Variants in PRKG1 observed in about 807,000 individuals in gnomAD.
The protein encoded by PRKG1 is protein kinase cGMP-dependent 1.
PRKG1 carries 35 observed loss-of-function variants against 88.1 expected under a neutral mutation model. The observed-to-expected ratio is 0.40, with a 90% CI of 0.30 to 0.53. PRKG1 has a LOEUF of 0.53. PRKG1 is among the 20% of genes least tolerant of loss of function. The pLI is 0.59. For missense variants in PRKG1, 540 were observed against 839.8 expected, an observed-to-expected ratio of 0.64 and a Z score of 4.41; for synonymous variants, 303 against 292.5, an observed-to-expected ratio of 1.04 and a Z score of -0.37.
chr10:51,187,445 A>G (rs1471887494), intron 2 of PRKG1, among the ~76,000 whole-genome samples: 1 of 152,030 alleles, frequency 6.6e-6, no homozygotes, highest in Non-Finnish European at 1.5e-5. Flanking sequence ...AAAATAGACT[A>G]GAGTTATTTA....
At chr10:51,910,394 A>G (rs1471390151) in intron 5 of PRKG1, 1 of 152,178 alleles carries the variant, frequency 6.6e-6, no homozygotes, top group East Asian at 1.9e-4. Flanking sequence ...ATTACATTTC[A>G]AAAGGATGGT....
chr10:52,141,086 A>G (rs1183794809), intron 8 of PRKG1, among the ~76,000 whole-genome samples: 2 of 152,134 alleles, frequency 1.3e-5, no homozygotes, highest in Non-Finnish European at 2.9e-5. Flanking sequence ...CCTTTTTAGA[A>G]TGGTGTCAGC....
chr10:51,899,671 G>GTATA (rs57320165), intron 4 of PRKG1, among the ~76,000 whole-genome samples: 3,841 of 120,244 alleles, frequency 0.032, 197 homozygotes, highest in African/African-American at 0.086. Flanking sequence ...AAAGAAAAAT[G>GTATA]TATATATATA....
chr10:51,286,339 C>T (rs914185102), intron 2 of PRKG1, among the ~76,000 whole-genome samples: 3 of 152,194 alleles, frequency 2.0e-5, no homozygotes, highest in African/African-American at 7.2e-5. Context: ...AAAGTGAGTA[C>T]AGCATGGACA....
intron 3 of PRKG1, among the ~76,000 whole-genome samples, chr10:51,506,295 A>G (rs1440588847): frequency 2.6e-4 from 40 of 152,156 alleles, no homozygotes; most frequent in Non-Finnish European, 2.9e-5. Context: ...AAAAGCCAAA[A>G]TTGACAAATG....
chr10:51,019,402 AT>A (rs2132732647), intron 1 of PRKG1, among the ~76,000 whole-genome samples: 1 of 152,294 alleles, frequency 6.6e-6, no homozygotes, highest in East Asian at 1.9e-4. Flanking sequence ...GGAAAGGACA[AT>A]CTTTTCAAAC....
At chr10:52,224,801 A>G (rs1840341141) in intron 9 of PRKG1, among the ~76,000 whole-genome samples, 1 of 111,062 alleles carries the variant, frequency 9.0e-6, no homozygotes, top group Non-Finnish European at 1.8e-5. Flanking sequence ...GCTGCATAGT[A>G]TTCCATCATA....
chr10:51,481,947 T>C (rs73338049), intron 3 of PRKG1, among the ~76,000 whole-genome samples: 7 of 151,596 alleles, frequency 4.6e-5, no homozygotes, highest in Admixed American at 2.6e-4. Context: ...ACCATGATAA[T>C]TTTTTTTTAG....
chr10:51,525,940 T>C (rs61849822), intron 3 of PRKG1, among the ~76,000 whole-genome samples: 8,672 of 152,010 alleles, frequency 0.057, 380 homozygotes, highest in Middle Eastern at 0.12. Flanking sequence ...ATTCTACTGC[T>C]TCAGCCTCCT....
At chr10:51,247,948 A>C (rs1839335322) in intron 2 of PRKG1, among the ~76,000 whole-genome samples, 1 of 151,864 alleles carries the variant, frequency 6.6e-6, no homozygotes, top group Non-Finnish European at 1.5e-5. Context: ...TGTAATCTTC[A>C]GTTTGTGTCT....
intron 3 of PRKG1, among the ~76,000 whole-genome samples, chr10:51,683,352 C>T (rs1417875484): frequency 7.1e-6 from 1 of 140,654 alleles, no homozygotes; most frequent in African/African-American, 2.6e-5. Context: ...AACAAAACAC[C>T]ACAATGAGAT....
intron 1 of PRKG1, among the ~76,000 whole-genome samples, chr10:51,030,886 C>A (rs1401881131): frequency 2.6e-5 from 4 of 152,176 alleles, no homozygotes; most frequent in Non-Finnish European, 4.4e-5. Flanking sequence ...ATTTAAACCT[C>A]TTTTCTTTAT....
chr10:52,151,843 A>C (rs1837935989), intron 8 of PRKG1, among the ~76,000 whole-genome samples: 1 of 152,236 alleles, frequency 6.6e-6, no homozygotes, highest in Admixed American at 6.5e-5. Flanking sequence ...TTAATTGAAA[A>C]TGAAAGTCAT....
rs1589329647 is a variant in PRKG1 at position 51,830,548 on chromosome 10, GTTTTTTTTTTTGTTTTTT to G, written c.698+25870_698+25887del. 5.2e-5 allele frequency among the ~76,000 whole-genome samples: 6 copies of G among 116,256 alleles called. No individual in the cohort carries two copies. In the East Asian group the frequency reaches 1.0e-3, roughly 20 times the overall value. The allele number at this position is 116,256 out of a possible 152,430, so 76.3% of individuals were successfully genotyped here. A position where few individuals can be genotyped will look rare whatever the true frequency, so the allele number is the denominator to read the frequency against. ...TTACTTATTGAACTTCTCTTAAAGT[GTTTTTTTTTTTGTTTTTT>G]TTTTTTTTTTTTTGAGTCACAGTCT... On this transcript the variant is annotated intron_variant, in intron 4 of 17. Transcript: ENST00000373980.
chr10:51,458,494 G>T (rs1839654400), intron 2 of PRKG1, among the ~76,000 whole-genome samples: 1 of 151,164 alleles, frequency 6.6e-6, no homozygotes, highest in African/African-American at 2.4e-5. Context: ...ATTAGTTTAT[G>T]CTAATATTAA....
chr10:51,918,616 G>T (rs1004825431), intron 5 of PRKG1, among the ~76,000 whole-genome samples: 1 of 152,132 alleles, frequency 6.6e-6, no homozygotes, highest in Non-Finnish European at 1.5e-5. Flanking sequence ...ACACAAACCT[G>T]CTTGGTATTT....
intron 1 of PRKG1, among the ~76,000 whole-genome samples, chr10:51,005,671 C>T (rs895818563): frequency 1.4e-4 from 21 of 152,132 alleles, no homozygotes; most frequent in East Asian, 3.9e-4. Flanking sequence ...TTTTGAAGGC[C>T]GAGTTTAAAC....
In PRKG1 at chr10:51,004,873, T is replaced by C. The variant is rs1009730469; in HGVS notation, c.266+13229T>C. Reference sequence around the variant, plus strand: ...TCTAAGAATCATAATGATTTGTTTTTCTTTTCATCAAAATAAATTTTTGAT... The same window carrying C: ...TCTAAGAATCATAATGATTTGTTTTCCTTTTCATCAAAATAAATTTTTGAT... On this transcript the variant is annotated intron_variant, in intron 1 of 17. Transcript: ENST00000401604. Among the ~76,000 whole-genome samples, 31 of 152,206 alleles carry C rather than the reference T, an allele frequency of 2.0e-4. 1 individual carries two copies. The highest frequency in any genetic ancestry group is 3.9e-4 in the East Asian group (2 of 5,190).
intron 7 of PRKG1, among the ~76,000 whole-genome samples, chr10:52,092,962 A>AG (rs1316327652): frequency 6.6e-6 from 1 of 152,156 alleles, no homozygotes; most frequent in East Asian, 1.9e-4. Context: ...GGCCTGTAAA[A>AG]TGTGGACTGT....
Sources: gnomAD v4.1 joint callset for allele counts (sites outside exome capture counted in the v4.1 genomes callset) on GRCh38, gnomAD v4.1.1 for gene constraint, MANE v1.5 for transcripts, NCBI Gene and HGNC (gene_info 2026-07-23, HGNC 2026-07-21) for gene names.